C20orf141: variants seen among roughly 807,000 people sequenced by gnomAD.
The protein encoded by C20orf141 is chromosome 20 open reading frame 141.
In C20orf141, 8 loss-of-function variants were observed where a neutral mutation model predicts 7.8. The observed-to-expected ratio is 1.03, with a 90% CI of 0.60 to 1.85. The LOEUF is 1.85. Among genes scored for constraint, C20orf141 ranks in the 40% most tolerant of loss-of-function variants. The pLI, the probability that C20orf141 is intolerant of heterozygous loss-of-function variation, is 0.00. For missense variants in C20orf141, 220 were observed against 203.1 expected (o/e 1.08, Z -0.51); for synonymous variants, 101 against 90.8 (o/e 1.11, Z -0.64).
intron 2 of C20orf141, 39 bp downstream of exon 2, chr20:2,815,483 G>A (rs374559201): frequency 1.7e-5 from 26 of 1,565,814 alleles, no homozygotes; most frequent in Non-Finnish European, 1.8e-5. Flanking sequence ...CATTGTAGGC[G>A]GGCGGGCCAG....
At position 2,815,548 on chromosome 20, in the gene C20orf141, C is replaced by A; in HGVS notation, c.271C>A (p.His91Asn). The change falls in exon 3 of 3, where the codon CAC becomes AAC. Residue 91 changes from histidine to asparagine, a missense_variant. Physicochemically the swap from His to Asn is moderately conservative, Grantham distance 68. Transcript: ENST00000603872. ...TFDLLHRPAG[H>N]TLPQRKLLTR... The stretch of plus-strand genomic sequence containing the variant: ...CCTCTCTCTCCACAGGCCCGCAGGT[C>A]ACACTCTGCCACAGCGCAAACTTCT... 1 of 1,612,312 alleles carries A rather than the reference C, an allele frequency of 6.2e-7. No individual in the cohort carries two copies. The highest frequency in any genetic ancestry group is 8.5e-7 in the Non-Finnish European group (1 of 1,178,900).
At position 2,815,781 on chromosome 20, in the gene C20orf141, C is replaced by T. The variant is rs1225215661; in HGVS notation, c.*6C>T. The T allele has an allele frequency of 6.2e-7, 1 of 1,603,590 alleles. No individual in the cohort carries two copies. Among genetic ancestry groups the T allele is most frequent in the African/African-American group, 1.3e-5 (1 of 74,910 alleles). ...GCCTCCATCCTTGGGCCTGAGAGCCCCTCCCCACAACTCAGTGTCCTTCAA... is the reference window on the plus strand; with the variant it reads ...GCCTCCATCCTTGGGCCTGAGAGCCTCTCCCCACAACTCAGTGTCCTTCAA... On this transcript the variant is annotated 3_prime_UTR_variant, in exon 3 of 3. Coordinates refer to ENST00000603872, the MANE Select transcript of C20orf141 (RefSeq NM_001256538.2).
Position 2,815,397 on chromosome 20 carries a change from CCTG to C in C20orf141, c.222_224del (p.Leu76del). 1 of 1,569,414 alleles carries C rather than the reference CCTG, an allele frequency of 6.4e-7. No homozygotes were observed. The highest frequency in any genetic ancestry group is 8.7e-7 in the Non-Finnish European group (1 of 1,155,090). On this transcript the variant is annotated inframe_deletion, in exon 2 of 3. Coordinates refer to ENST00000603872, the MANE Select transcript of C20orf141 (RefSeq NM_001256538.2). ...CAGTCTTTTCCACCACTGGCCCAGC[CCTG>C]CTGCTGCTTCTGGTCAGCTTCCTCA...
chr20:2,815,044 G>A (rs1306059380), intron 1 of C20orf141, 27 bp downstream of exon 1: 1 of 1,082,572 alleles, frequency 9.2e-7, no homozygotes, highest in African/African-American at 1.6e-5. Flanking sequence ...GGGTGGGTAT[G>A]GGGGAGGGGG....
Position 2,815,719 on chromosome 20 carries a change from T to G in C20orf141, c.442T>G (p.Cys148Gly). The G allele has an allele frequency of 1.2e-6, 2 of 1,613,948 alleles. No individual in the cohort carries two copies. Among genetic ancestry groups the G allele is most frequent in the Middle Eastern group, 3.3e-4 (2 of 6,062 alleles). ...LMGLGPLLRA[C>G]GMPLTLLGLA... The stretch of plus-strand genomic sequence containing the variant: ...GGGGCTGGGCCCGCTCCTGAGAGCC[T>G]GTGGCATGCCCTTGACCCTGCTTGG... Residue 148 changes from cysteine (C) to glycine (G), a missense_variant, in exon 3 of 3, where the codon TGT (cysteine) becomes GGT (glycine). Cys to Gly is a radical substitution (Grantham distance 159). Coordinates refer to ENST00000603872, the MANE Select transcript of C20orf141 (RefSeq NM_001256538.2).
rs770443043 is a variant in C20orf141, at chr20:2,815,590, CAG to C, written c.314_315del (p.Gln105ArgfsTer4). 21 of 1,614,082 alleles carry C rather than the reference CAG, an allele frequency of 1.3e-5. No homozygotes were observed. Among genetic ancestry groups the C allele is most frequent in the Middle Eastern group, 3.3e-4 (2 of 6,062 alleles). ...CAAACTTCTCACCAGGGGCCAGAGT[CAG>C]GGGGCCGGTGAAGGTCCTGGACAGC... ...QRKLLTRGQS[Q>X]GAGEGPGQQE... On this transcript the variant is annotated frameshift_variant, in exon 3 of 3. Coordinates refer to ENST00000603872, the MANE Select transcript of C20orf141 (RefSeq NM_001256538.2). LOFTEE classifies it low-confidence loss of function (END_TRUNC).
chr20:2,815,634 G>A lies in C20orf141; in HGVS notation c.357G>A (p.Leu119=), dbSNP rs773281493. The change falls in exon 3 of 3, where the codon CTG becomes CTA. Residue 119 remains leucine, a synonymous_variant. Transcript: ENST00000603872. ...EGPGQQEALL[L]QMGTVSGQLS... ...CTGGACAGCAGGAGGCTCTACTCCT[G>A]CAAATGGGTACAGTCTCAGGACAAC... 1.4e-5 allele frequency: 22 copies of A among 1,614,104 alleles called. No homozygotes were observed. The highest frequency in any genetic ancestry group is 3.3e-5 in the Admixed American group (2 of 60,016).
rs377416880 is a variant in C20orf141 at position 2,815,159 on chromosome 20, T to C, written c.-26T>C. ...CCTTATAATCCTTTTCAGCACTAGGTCTTCCCGTCACCTCCACCTCTCTCC... is the reference window on the plus strand; with the variant it reads ...CCTTATAATCCTTTTCAGCACTAGGCCTTCCCGTCACCTCCACCTCTCTCC... On this transcript the variant is annotated 5_prime_UTR_variant, in exon 2 of 3. Transcript: ENST00000603872. 328 of 1,613,060 alleles carry C rather than the reference T, an allele frequency of 2.0e-4. No homozygotes were observed. The Middle Eastern group carries it at 4.7e-3, about 23-fold the overall frequency.
chr20:2,815,522 C>A lies in C20orf141; in HGVS notation c.261-16C>A. On this transcript the variant is annotated splice_polypyrimidine_tract_variant and intron_variant, in intron 2 of 2. Transcript: ENST00000603872. ...ACAACTTCCCTAAGCCCAGTCACCA[C>A]CCTCTCTCTCCACAGGCCCGCAGGT... 6.3e-7 allele frequency: 1 copy of A among 1,598,252 alleles called. No homozygotes were observed. The highest frequency in any genetic ancestry group is 8.5e-7 in the Non-Finnish European group (1 of 1,170,524).
Position 2,815,197 on chromosome 20 carries a change from T to G in C20orf141, c.13T>G (p.Cys5Gly). Residue 5 changes from cysteine (C) to glycine (G), a missense_variant, in exon 2 of 3, where the codon TGC becomes GGC. By Grantham distance (159) the Cys-to-Gly change is radical. Transcript: ENST00000603872. ...TCCACCTCTCTCCATGACCCGGCTCTGCTTACCCAGACCCGAAGCACGTGA... is the reference window on the plus strand; with the variant it reads ...TCCACCTCTCTCCATGACCCGGCTCGGCTTACCCAGACCCGAAGCACGTGA... MTRL[C>G]LPRPEAREDP... 6.2e-7 allele frequency: 1 copy of G among 1,614,084 alleles called. No individual in the cohort carries two copies. The highest frequency in any genetic ancestry group is 8.5e-7 in the Non-Finnish European group (1 of 1,180,010).
In C20orf141 at chr20:2,815,547, T is replaced by G. The variant is rs540559982; in HGVS notation, c.270T>G (p.Gly90=). ...LTFDLLHRPA[G]HTLPQRKLLT... ...CCCTCTCTCTCCACAGGCCCGCAGG[T>G]CACACTCTGCCACAGCGCAAACTTC... Residue 90 remains glycine (G), a synonymous_variant, in exon 3 of 3, where the codon GGT becomes GGG. Transcript: ENST00000603872. The G allele has an allele frequency of 2.3e-4, 369 of 1,612,022 alleles. No individual in the cohort carries two copies. The highest frequency in any genetic ancestry group is 3.0e-4 in the Non-Finnish European group (349 of 1,178,814).
In C20orf141 at chr20:2,815,709, C is replaced by A; in HGVS notation, c.432C>A (p.Leu144=). ...LLLLLMGLGP[L]LRACGMPLTL... is the part of the protein sequence containing the mutation. The stretch of plus-strand genomic sequence containing the variant: ...TGCTGCTCATGGGGCTGGGCCCGCT[C>A]CTGAGAGCCTGTGGCATGCCCTTGA... Residue 144 remains leucine, a synonymous_variant, in exon 3 of 3, where the codon CTC becomes CTA. Transcript: ENST00000603872. The A allele has an allele frequency of 6.2e-7, 1 of 1,614,042 alleles. No individual in the cohort carries two copies. Among genetic ancestry groups the A allele is most frequent in the African/African-American group, 1.3e-5 (1 of 75,068 alleles).
At position 2,815,218 on chromosome 20, in the gene C20orf141, C is replaced by T. The variant is rs140149148; in HGVS notation, c.34C>T (p.Arg12Cys). 7.6e-3 allele frequency: 12,286 copies of T among 1,614,062 alleles called. 57 individuals carry two copies. Among genetic ancestry groups the T allele is most frequent in the Non-Finnish European group, 9.0e-3 (10,581 of 1,179,990 alleles). The change falls in exon 2 of 3, where the codon CGT becomes TGT. Residue 12 changes from arginine (R) to cysteine (C), a missense_variant. Coordinates refer to ENST00000603872, the MANE Select transcript of C20orf141 (RefSeq NM_001256538.2). ...GCTCTGCTTACCCAGACCCGAAGCA[C>T]GTGAGGATCCGATCCCAGTTCCTCC... ...TRLCLPRPEA[R>C]EDPIPVPPRG... is the part of the protein sequence containing the mutation.
Position 2,815,531 on chromosome 20 carries a change from T to TCCACAGGTCACACTCTG in C20orf141, c.261_262insTCACACTCTGCCACAGG. On this transcript the variant is annotated splice_region_variant and splice_polypyrimidine_tract_variant and intron_variant, in intron 2 of 2. Coordinates refer to ENST00000603872, the MANE Select transcript of C20orf141 (RefSeq NM_001256538.2). ...CTAAGCCCAGTCACCACCCTCTCTC[T>TCCACAGGTCACACTCTG]CCACAGGCCCGCAGGTCACACTCTG... 1.2e-6 allele frequency: 2 copies of TCCACAGGTCACACTCTG among 1,604,614 alleles called. No individual in the cohort carries two copies. Among genetic ancestry groups the TCCACAGGTCACACTCTG allele is most frequent in the Non-Finnish European group, 1.7e-6 (2 of 1,174,114 alleles).
rs370762036 is a variant in C20orf141, at chr20:2,815,165, C to T, written c.-20C>T. The T allele has an allele frequency of 1.4e-5, 23 of 1,613,424 alleles. No individual in the cohort carries two copies. In the African/African-American group the frequency reaches 1.7e-4, roughly 12 times the overall value. On this transcript the variant is annotated 5_prime_UTR_variant, in exon 2 of 3. Transcript: ENST00000603872. ...AATCCTTTTCAGCACTAGGTCTTCC[C>T]GTCACCTCCACCTCTCTCCATGACC... is the stretch of plus-strand genomic sequence containing the variant.
At chr20:2,815,482 C>CG in intron 2 of C20orf141, 38 bp downstream of exon 2, 1 of 1,564,110 alleles carries the variant, frequency 6.4e-7, no homozygotes, top group Non-Finnish European at 8.7e-7. Context: ...GCATTGTAGG[C>CG]GGGCGGGCCA....
At position 2,815,222 on chromosome 20, in the gene C20orf141, A is replaced by G; in HGVS notation, c.38A>G (p.Glu13Gly). 1 of 1,614,000 alleles carries G rather than the reference A, an allele frequency of 6.2e-7. No homozygotes were observed. Among genetic ancestry groups the G allele is most frequent in the Non-Finnish European group, 8.5e-7 (1 of 1,179,976 alleles). Residue 13 changes from glutamate (E) to glycine (G), a missense_variant, in exon 2 of 3, where the codon GAG (glutamate) becomes GGG (glycine). By Grantham distance (98) the Glu-to-Gly change is moderately conservative. Coordinates refer to ENST00000603872, the MANE Select transcript of C20orf141 (RefSeq NM_001256538.2). ...RLCLPRPEAR[E>G]DPIPVPPRGL... Reference sequence around the variant, plus strand: ...TGCTTACCCAGACCCGAAGCACGTGAGGATCCGATCCCAGTTCCTCCAAGG... The same window carrying G: ...TGCTTACCCAGACCCGAAGCACGTGGGGATCCGATCCCAGTTCCTCCAAGG...
rs2088660634 is a variant in C20orf141 at position 2,815,704 on chromosome 20, C to T, written c.427C>T (p.Pro143Ser). 1 of 1,613,964 alleles carries T rather than the reference C, an allele frequency of 6.2e-7. No individual in the cohort carries two copies. Among genetic ancestry groups the T allele is most frequent in the Non-Finnish European group, 8.5e-7 (1 of 1,180,040 alleles). The change falls in exon 3 of 3, where the codon CCG (proline) becomes TCG (serine). Residue 143 changes from proline to serine, a missense_variant. Transcript: ENST00000603872. The part of the protein sequence containing the change: ...ALLLLLMGLG[P>S]LLRACGMPLT... ...GCTGCTGCTGCTCATGGGGCTGGGCCCGCTCCTGAGAGCCTGTGGCATGCC... is the reference window on the plus strand; with the variant it reads ...GCTGCTGCTGCTCATGGGGCTGGGCTCGCTCCTGAGAGCCTGTGGCATGCC...
chr20:2,815,363 C>A lies in C20orf141; in HGVS notation c.179C>A (p.Thr60Lys). 1.3e-6 allele frequency: 2 copies of A among 1,590,004 alleles called. No homozygotes were observed. Among genetic ancestry groups the A allele is most frequent in the South Asian group, 1.1e-5 (1 of 88,088 alleles). ...CTATGGCTGGGGGCACTAGGACTGA[C>A]AATCCAGGCAGTCTTTTCCACCACT... is the stretch of plus-strand genomic sequence containing the variant. Reference protein sequence around the residue: ...SVLWLGALGLTIQAVFSTTGP... With the variant: ...SVLWLGALGLKIQAVFSTTGP... The change falls in exon 2 of 3, where the codon ACA (threonine) becomes AAA (lysine). Residue 60 changes from threonine (T) to lysine (K), a missense_variant. By Grantham distance (78) the Thr-to-Lys change is moderately conservative. Coordinates refer to ENST00000603872, the MANE Select transcript of C20orf141 (RefSeq NM_001256538.2).
Sources: allele counts gnomAD v4.1 joint callset, GRCh38; gene constraint gnomAD v4.1.1; transcripts MANE v1.5; gene names NCBI Gene and HGNC (gene_info 2026-07-23, HGNC 2026-07-21).